Variants in ITGBL1 observed in about 807,000 individuals in gnomAD.
ITGBL1 encodes integrin subunit beta like 1.
A neutral mutation model predicts 68.5 loss-of-function variants in ITGBL1; 51 were observed. The ratio of observed to expected loss-of-function variants is 0.74; its 90% confidence interval spans 0.59 to 0.94. The LOEUF is 0.94. Ranked by LOEUF, ITGBL1 falls within the 40% of genes least tolerant of loss-of-function variation. The pLI is 0.00. For missense variants in ITGBL1, 649 were observed against 647.4 expected, an observed-to-expected ratio of 1.00 and a Z score of -0.03; for synonymous variants, 209 against 227.3, an observed-to-expected ratio of 0.92 and a Z score of 0.72.
intron 2 of ITGBL1, among the ~76,000 whole-genome samples, chr13:101,501,529 T>C (rs2048940703): frequency 6.6e-6 from 1 of 152,098 alleles, no homozygotes; most frequent in Admixed American, 6.6e-5. Flanking sequence ...TTAAATACAA[T>C]GATTACAGTA....
chr13:101,693,624 G>GTCTGTCTATCTATCTATCTA (rs71780453), intron 8 of ITGBL1, among the ~76,000 whole-genome samples: 12 of 146,080 alleles, frequency 8.2e-5, no homozygotes, highest in African/African-American at 1.3e-4. Context: ...CTGTCTGTCT[G>GTCTGTCTATCTATCTATCTA]TCTATCTATC....
chr13:101,578,290 C>T (rs983050089), intron 4 of ITGBL1, among the ~76,000 whole-genome samples: 2 of 152,108 alleles, frequency 1.3e-5, no homozygotes, highest in Admixed American at 6.6e-5. Context: ...TTTGCATTGT[C>T]TTTTGGGGAG....
At chr13:101,570,518 C>A (rs149446142) in intron 3 of ITGBL1, among the ~76,000 whole-genome samples, 61 of 152,114 alleles carry the variant, frequency 4.0e-4, no homozygotes, top group African/African-American at 1.4e-3. Flanking sequence ...GCCCTTTCTG[C>A]AAATAGGCTT....
In ITGBL1 at chr13:101,715,672, T is replaced by G. The variant is rs751627195; in HGVS notation, c.*18T>G. On this transcript the variant is annotated 3_prime_UTR_variant, in exon 11 of 11. Transcript: ENST00000376180. Reference sequence around the variant, plus strand: ...ATCCTTAACAATTACATGAGAGAGGTCTGGATTCTTATTTTTTCTGGGCCA... The same window carrying G: ...ATCCTTAACAATTACATGAGAGAGGGCTGGATTCTTATTTTTTCTGGGCCA... The G allele has an allele frequency of 1.3e-6, 2 of 1,531,198 alleles. No homozygotes were observed. Among genetic ancestry groups the G allele is most frequent in the Non-Finnish European group, 9.1e-7 (1 of 1,104,540 alleles). 94.9% of individuals were successfully genotyped at this position (1,531,198 alleles called of 1,614,324 possible).
chr13:101,474,505 G>A (rs1577448), intron 2 of ITGBL1, among the ~76,000 whole-genome samples: 132,813 of 152,176 alleles, frequency 0.87, 58,098 homozygotes, highest in East Asian at 1. Context: ...TTGCTGCCCT[G>A]AAGGGAGGAA....
At chr13:101,605,049 T>C (rs1249258790) in intron 7 of ITGBL1, among the ~76,000 whole-genome samples, 3 of 119,636 alleles carry the variant, frequency 2.5e-5, no homozygotes, top group African/African-American at 3.8e-5. Context: ...TACGCATATA[T>C]GTGTATATGT....
At chr13:101,580,013 A>G (rs911652329) in intron 5 of ITGBL1, among the ~76,000 whole-genome samples, 5 of 152,208 alleles carry the variant, frequency 3.3e-5, no homozygotes, top group African/African-American at 2.4e-5. Flanking sequence ...TTGCTAAACT[A>G]TAATTTAAAG....
At chr13:101,681,647 C>T (rs879567356) in intron 7 of ITGBL1, among the ~76,000 whole-genome samples, 11 of 151,956 alleles carry the variant, frequency 7.2e-5, no homozygotes, top group Non-Finnish European at 1.5e-4. Flanking sequence ...GACCTTAAAG[C>T]GAGAAAATCA....
intron 2 of ITGBL1, among the ~76,000 whole-genome samples, chr13:101,497,936 C>G (rs1219867718): frequency 6.6e-6 from 1 of 151,830 alleles, no homozygotes; most frequent in Non-Finnish European, 1.5e-5. Context: ...TCCTTCCACA[C>G]AGTTTAATAC....
chr13:101,530,670 T>C (rs2049457651), intron 2 of ITGBL1, among the ~76,000 whole-genome samples: 1 of 152,254 alleles, frequency 6.6e-6, no homozygotes, highest in African/African-American at 2.4e-5. Flanking sequence ...TCTAAATTTG[T>C]TTGAATATGT....
At chr13:101,653,020 C>T (rs532630006) in intron 7 of ITGBL1, among the ~76,000 whole-genome samples, 10 of 151,884 alleles carry the variant, frequency 6.6e-5, no homozygotes, top group South Asian at 4.2e-4. Flanking sequence ...TGCTCGAACC[C>T]GGGAGGTGGA....
chr13:101,678,562 C>CGATCTCGG (rs1415177996), intron 7 of ITGBL1, among the ~76,000 whole-genome samples: 3 of 150,044 alleles, frequency 2.0e-5, no homozygotes, highest in African/African-American at 7.4e-5. Flanking sequence ...TGCAGTGGCA[C>CGATCTCGG]GATCTCGGCT....
At chr13:101,677,095 G>A (rs12877550) in intron 7 of ITGBL1, among the ~76,000 whole-genome samples, 4,640 of 152,278 alleles carry the variant, frequency 0.03, 108 homozygotes, top group Middle Eastern at 0.071. Flanking sequence ...CTGCACTCCA[G>A]CCTGGGCGAC....
At chr13:101,507,596 C>T (rs2049046926) in intron 2 of ITGBL1, among the ~76,000 whole-genome samples, 1 of 152,118 alleles carries the variant, frequency 6.6e-6, no homozygotes, top group Admixed American at 6.6e-5. Context: ...TTTATGTAGT[C>T]TTTCTTGTCT....
At chr13:101,546,733 T>C (rs1370995687) in intron 2 of ITGBL1, among the ~76,000 whole-genome samples, 1 of 152,102 alleles carries the variant, frequency 6.6e-6, no homozygotes, top group Non-Finnish European at 1.5e-5. Flanking sequence ...AAGCAACTTT[T>C]ATCTAGCAAG....
chr13:101,576,740 C>T lies in ITGBL1; in HGVS notation c.586+1194C>T, dbSNP rs140311479. Among the ~76,000 whole-genome samples, 55 of 152,222 alleles carry T rather than the reference C, an allele frequency of 3.6e-4. 1 individual carries two copies. The East Asian group carries it at 9.7e-3, about 27-fold the overall frequency. ...ATTTTAGGCCTGATTGGCCCTCCCTCCTTGATCTCCTGGCTGTACAAACTA... is the reference window on the plus strand; with the variant it reads ...ATTTTAGGCCTGATTGGCCCTCCCTTCTTGATCTCCTGGCTGTACAAACTA... On this transcript the variant is annotated intron_variant, in intron 4 of 10. Coordinates refer to ENST00000376180, the MANE Select transcript of ITGBL1 (RefSeq NM_004791.3).
At chr13:101,526,659 A>ATGTGTGTGTGTGTGTGTG (rs35919129) in intron 2 of ITGBL1, among the ~76,000 whole-genome samples, 17 of 149,304 alleles carry the variant, frequency 1.1e-4, no homozygotes, top group Non-Finnish European at 2.4e-4. Context: ...TTGAAGTTAT[A>ATGTGTGTGTGTGTGTGTG]TGTGTGTGTG....
At chr13:101,716,897 T>A (rs1451982782), downstream of ITGBL1, 1 of 152,086 alleles carries the variant, frequency 6.6e-6, no homozygotes, top group Non-Finnish European at 1.5e-5. Flanking sequence ...TTGCTTTGTA[T>A]GAAATTCACA....
chr13:101,679,519 T>C (rs763017496), intron 7 of ITGBL1, among the ~76,000 whole-genome samples: 10 of 152,196 alleles, frequency 6.6e-5, no homozygotes, highest in Non-Finnish European at 1.3e-4. Context: ...TACTCTAATT[T>C]ACATGGGCTG....
Sources: allele counts gnomAD v4.1 joint callset (sites outside exome capture counted in the v4.1 genomes callset), GRCh38; gene constraint gnomAD v4.1.1; transcripts MANE v1.5; gene names NCBI Gene and HGNC (gene_info 2026-07-23, HGNC 2026-07-21).